SOCS5: variants seen among roughly 807,000 people sequenced by gnomAD.
SOCS5 encodes the protein CIS-6.
Under a neutral mutation model 42.8 loss-of-function variants are expected in SOCS5, and 32 were observed. That is an observed-to-expected ratio of 0.75 (90% confidence interval 0.56 to 1.01). The LOEUF (loss-of-function observed/expected upper bound fraction) is 1.01. Among genes scored for constraint, SOCS5 ranks in the 50% least tolerant of loss-of-function variants. The pLI is 0.00. For missense variants in SOCS5, 627 were observed against 653.0 expected (o/e 0.96, Z 0.43); for synonymous variants, 283 against 229.6 (o/e 1.23, Z -2.10).
chr2:46,754,995 AT>A (rs1435031713), intron 1 of SOCS5, among the ~76,000 whole-genome samples: 1 of 152,198 alleles, frequency 6.6e-6, no homozygotes, highest in Non-Finnish European at 1.5e-5. Flanking sequence ...TTGTGCCTGA[AT>A]TTGATACAGA....
intron 1 of SOCS5, among the ~76,000 whole-genome samples, chr2:46,707,510 A>G (rs1325444816): frequency 2.0e-5 from 3 of 152,222 alleles, no homozygotes; most frequent in Non-Finnish European, 2.9e-5. Flanking sequence ...TTAAGGAGGA[A>G]GATGCTATTT....
chr2:46,727,279 G>A (rs1333392196), intron 1 of SOCS5, among the ~76,000 whole-genome samples: 1 of 151,634 alleles, frequency 6.6e-6, no homozygotes, highest in Non-Finnish European at 1.5e-5. Context: ...CTCCCGAGTA[G>A]CGGAGCATTT....
chr2:46,761,398 G>A lies in SOCS5; in HGVS notation c.*1257G>A, dbSNP rs1387146331. ...TCCACTCTCATGTCTTTTCGTTAAT[G>A]TGCTCTGTACCACTGGTGAGTGCTC... On this transcript the variant is annotated 3_prime_UTR_variant, in exon 2 of 2. Coordinates refer to ENST00000394861, the MANE Select transcript of SOCS5 (RefSeq NM_144949.3). The A allele has an allele frequency of 6.0e-6, 1 of 167,098 alleles. No individual in the cohort carries two copies. Among genetic ancestry groups the A allele is most frequent in the Non-Finnish European group, 1.5e-5 (1 of 68,114 alleles). The allele number at this position is 167,098 out of a possible 1,614,324, so 10.4% of individuals were successfully genotyped here.
chr2:46,760,708 C>T lies in SOCS5; in HGVS notation c.*567C>T, dbSNP rs1673847929. On this transcript the variant is annotated 3_prime_UTR_variant, in exon 2 of 2. Coordinates refer to ENST00000394861, the MANE Select transcript of SOCS5 (RefSeq NM_144949.3). ...TGTAGTTTATAATCAGACGCCTTTT[C>T]TCTTCTGCAAAAGGTACTGTTAAGT... 1 of 167,140 alleles carries T rather than the reference C, an allele frequency of 6.0e-6. No individual in the cohort carries two copies. Among genetic ancestry groups the T allele is most frequent in the South Asian group, 2.1e-4 (1 of 4,832 alleles). 10.4% of individuals were successfully genotyped at this position (167,140 alleles called of 1,614,324 possible). A position where few individuals can be genotyped will look rare whatever the true frequency, so the allele number is the denominator to read the frequency against.
intron 1 of SOCS5, among the ~76,000 whole-genome samples, chr2:46,741,305 TCTC>T (rs1373810389): frequency 6.6e-6 from 1 of 152,136 alleles, no homozygotes; most frequent in Non-Finnish European, 1.5e-5. Flanking sequence ...AGTGGTGCGA[TCTC>T]AGCTCGCTGC....
chr2:46,722,520 T>G lies in SOCS5; in HGVS notation c.-13+23071T>G, dbSNP rs577743666. Among the ~76,000 whole-genome samples, 22 of 152,284 alleles carry G rather than the reference T, an allele frequency of 1.4e-4. No homozygotes were observed. In the South Asian group the frequency reaches 4.3e-3, roughly 30 times the overall value. On this transcript the variant is annotated intron_variant, in intron 1 of 1. Coordinates refer to ENST00000394861, the MANE Select transcript of SOCS5 (RefSeq NM_144949.3). ...GTATGTATCAATGGTTGATTCCATT[T>G]TGTTGCTCAAGAGTATTCCTTTGTA...
intron 1 of SOCS5, among the ~76,000 whole-genome samples, chr2:46,709,287 G>C (rs540716455): frequency 1.3e-5 from 2 of 152,186 alleles, no homozygotes; most frequent in African/African-American, 4.8e-5. Context: ...CAGCTTGAGA[G>C]AAGAGGCTGT....
intron 1 of SOCS5, among the ~76,000 whole-genome samples, chr2:46,720,722 C>T (rs1672859675): frequency 6.6e-6 from 1 of 152,050 alleles, no homozygotes; most frequent in Non-Finnish European, 1.5e-5. Flanking sequence ...TACAGAGAAC[C>T]AGAGTGAAAC....
chr2:46,717,614 T>A (rs1038859515), intron 1 of SOCS5, among the ~76,000 whole-genome samples: 36 of 152,236 alleles, frequency 2.4e-4, no homozygotes, highest in Non-Finnish European at 4.4e-5. Context: ...GTATTTCTTA[T>A]AATTGCTCAC....
chr2:46,740,025 T>C (rs1289945353), intron 1 of SOCS5, among the ~76,000 whole-genome samples: 2 of 152,242 alleles, frequency 1.3e-5, no homozygotes, highest in African/African-American at 2.4e-5. Context: ...GTTAATATCA[T>C]GTGGTATACT....
At chr2:46,740,477 C>A (rs532828639) in intron 1 of SOCS5, among the ~76,000 whole-genome samples, 1 of 152,108 alleles carries the variant, frequency 6.6e-6, no homozygotes, top group African/African-American at 2.4e-5. Flanking sequence ...ATAAAACTCA[C>A]AAAAAGAAAT....
intron 1 of SOCS5, among the ~76,000 whole-genome samples, chr2:46,719,481 G>A (rs139437398): frequency 2.6e-4 from 39 of 152,150 alleles, no homozygotes; most frequent in African/African-American, 8.9e-4. Context: ...TCTAGAGCTG[G>A]TTTTAAAGAA....
At position 46,758,599 on chromosome 2, in the gene SOCS5, A is replaced by C. The variant is rs1673780402; in HGVS notation, c.69A>C (p.Gly23=). 6.2e-7 allele frequency: 1 copy of C among 1,613,394 alleles called. No individual in the cohort carries two copies. The highest frequency in any genetic ancestry group is 1.3e-5 in the African/African-American group (1 of 74,916). ...YRCQNLFGHE[G]GSRSENVDMN... ...GTCAGAATCTCTTCGGTCATGAGGGAGGAAGCCGTAGTGAAAATGTGGACA... is the reference window on the plus strand; with the variant it reads ...GTCAGAATCTCTTCGGTCATGAGGGCGGAAGCCGTAGTGAAAATGTGGACA... Residue 23 remains glycine, a synonymous_variant, in exon 2 of 2, where the codon GGA becomes GGC. Coordinates refer to ENST00000394861, the MANE Select transcript of SOCS5 (RefSeq NM_144949.3).
chr2:46,723,474 G>T (rs1672924972), intron 1 of SOCS5, among the ~76,000 whole-genome samples: 1 of 152,020 alleles, frequency 6.6e-6, no homozygotes, highest in Admixed American at 6.6e-5. Flanking sequence ...TGAAGTTTAG[G>T]TTAAGGTTCA....
intron 1 of SOCS5, among the ~76,000 whole-genome samples, chr2:46,706,978 T>C (rs1672507562): frequency 1.3e-5 from 2 of 152,206 alleles, no homozygotes; most frequent in Non-Finnish European, 2.9e-5. Flanking sequence ...AGTAAGTATA[T>C]GTAAAAATGC....
chr2:46,703,626 A>C (rs533434047), intron 1 of SOCS5, among the ~76,000 whole-genome samples: 38 of 152,264 alleles, frequency 2.5e-4, no homozygotes, highest in Middle Eastern at 3.4e-3. Context: ...ATTAGGTTGG[A>C]GTTTTCTTTA....
intron 1 of SOCS5, among the ~76,000 whole-genome samples, chr2:46,712,742 A>G (rs147716445): frequency 6.6e-6 from 1 of 152,284 alleles, no homozygotes; most frequent in Non-Finnish European, 1.5e-5. Context: ...TTGGTATTTG[A>G]TTATTAAACC....
chr2:46,724,271 A>G (rs1451993941), intron 1 of SOCS5, among the ~76,000 whole-genome samples: 1 of 151,428 alleles, frequency 6.6e-6, no homozygotes, highest in Non-Finnish European at 1.5e-5. Context: ...CTAGGATGTC[A>G]AATACAATGT....
chr2:46,730,040 C>T (rs1028627353), intron 1 of SOCS5, among the ~76,000 whole-genome samples: 2 of 152,132 alleles, frequency 1.3e-5, no homozygotes, highest in Admixed American at 1.3e-4. Flanking sequence ...TTAGGATCAT[C>T]TAGACATCAT....
Sources: gnomAD v4.1 joint callset for allele counts (sites outside exome capture counted in the v4.1 genomes callset) on GRCh38, gnomAD v4.1.1 for gene constraint, MANE v1.5 for transcripts, NCBI Gene and HGNC (gene_info 2026-07-23, HGNC 2026-07-21) for gene names.